The following CACNG5 variants were observed in gnomAD, a reference collection of about 807,000 sequenced individuals.
CACNG5 encodes voltage-dependent calcium channel gamma-5 subunit.
CACNG5 carries 18 observed loss-of-function variants against 24.8 expected under a neutral mutation model. The ratio of observed to expected loss-of-function variants is 0.73; its 90% confidence interval spans 0.50 to 1.08. The LOEUF (loss-of-function observed/expected upper bound fraction) is 1.08, where lower values mean the gene tolerates loss of function less well. Among genes scored for constraint, CACNG5 ranks in the 50% least tolerant of loss-of-function variants. The probability of loss-of-function intolerance (pLI) is 0.00; values close to 1 mark genes in which losing one functional copy is unlikely to be tolerated. For synonymous variants in CACNG5, 157 were observed against 149.1 expected (o/e 1.05, Z -0.39); for missense variants, 349 against 367.9 (o/e 0.95, Z 0.42).
intron 1 of CACNG5, among the ~76,000 whole-genome samples, chr17:66,836,142 G>A (rs1347379840): frequency 2.0e-5 from 3 of 152,152 alleles, no homozygotes; most frequent in East Asian, 1.9e-4. Context: ...TGCCAGGCAC[G>A]CCGGTGGTTA....
chr17:66,835,121 G>A lies in CACNG5; in HGVS notation c.-233G>A, dbSNP rs1023265974. ...GCGGCGGCGGCGGCCACGGTCATTGGCGCCGAGCGGTTCCGGCTGACTGGA... is the reference window on the plus strand; with the variant it reads ...GCGGCGGCGGCGGCCACGGTCATTGACGCCGAGCGGTTCCGGCTGACTGGA... On this transcript the variant is annotated 5_prime_UTR_variant, in exon 1 of 6. Coordinates refer to ENST00000533854, the MANE Select transcript of CACNG5 (RefSeq NM_145811.3). The A allele has an allele frequency of 1.3e-5, 2 of 152,232 alleles. No individual in the cohort carries two copies. The highest frequency in any genetic ancestry group is 4.8e-5 in the African/African-American group (2 of 41,450). The allele number at this position is 152,232 out of a possible 1,614,324, so 9.4% of individuals were successfully genotyped here.
intron 1 of CACNG5, among the ~76,000 whole-genome samples, chr17:66,869,944 G>C (rs894750639): frequency 1.3e-5 from 2 of 151,984 alleles, no homozygotes; most frequent in African/African-American, 2.4e-5. Context: ...TTAGCGGGGC[G>C]TGGTGGCAGG....
At chr17:66,840,738 G>C (rs1379570570) in intron 1 of CACNG5, among the ~76,000 whole-genome samples, 1 of 152,174 alleles carries the variant, frequency 6.6e-6, no homozygotes, top group African/African-American at 2.4e-5. Flanking sequence ...TCCTGTGTGG[G>C]GATGTCTTCC....
chr17:66,868,154 G>C (rs1976954860), intron 1 of CACNG5, among the ~76,000 whole-genome samples: 1 of 152,172 alleles, frequency 6.6e-6, no homozygotes, highest in South Asian at 2.1e-4. Flanking sequence ...TTCTTCTTTT[G>C]TTAAGAGCAG....
In CACNG5 at chr17:66,846,903, A is replaced by G. The variant is rs142452072; in HGVS notation, c.-104+11653A>G. Among the ~76,000 whole-genome samples the G allele has an allele frequency of 2.1e-3, 314 of 152,350 alleles. 1 individual carries two copies. The highest frequency in any genetic ancestry group is 7.3e-3 in the African/African-American group (304 of 41,580). ...CCCACCTGCAAAGTATGAGGGTTCC[A>G]ATTTCTCCACATCCTCGCCAAAACT... On this transcript the variant is annotated intron_variant, in intron 1 of 5. Transcript: ENST00000533854.
rs759371116 is a variant in CACNG5 at position 66,880,663 on chromosome 17, G to A, written c.390G>A (p.Leu130=). 7.4e-6 allele frequency: 12 copies of A among 1,614,116 alleles called. No individual in the cohort carries two copies. The highest frequency in any genetic ancestry group is 5.3e-5 in the African/African-American group (4 of 74,946). The change falls in exon 4 of 6, where the codon CTG becomes CTA. Residue 130 remains leucine (L), a synonymous_variant. Coordinates refer to ENST00000533854, the MANE Select transcript of CACNG5 (RefSeq NM_145811.3). ...ACATCCGTCCCCACCGGACGATACTGGCCTTTGTCTCTGGCATCTTCTTTA... is the reference window on the plus strand; with the variant it reads ...ACATCCGTCCCCACCGGACGATACTAGCCTTTGTCTCTGGCATCTTCTTTA... ...IGHIRPHRTI[L]AFVSGIFFIL... is the part of the protein sequence containing the mutation.
At chr17:66,880,110 G>A (rs182695363) in intron 3 of CACNG5, among the ~76,000 whole-genome samples, 3 of 152,204 alleles carry the variant, frequency 2.0e-5, no homozygotes, top group African/African-American at 7.2e-5. Flanking sequence ...GTAATTATAA[G>A]TTGAAGAAAA....
chr17:66,859,956 T>A (rs1436890764), intron 1 of CACNG5, among the ~76,000 whole-genome samples: 1 of 152,032 alleles, frequency 6.6e-6, no homozygotes, highest in Non-Finnish European at 1.5e-5. Flanking sequence ...TCCACCCGCA[T>A]GATGCAAAGG....
At chr17:66,839,831 C>T (rs1041657498) in intron 1 of CACNG5, among the ~76,000 whole-genome samples, 7 of 152,128 alleles carry the variant, frequency 4.6e-5, no homozygotes, top group Non-Finnish European at 7.3e-5. Context: ...AGGGCTGTTC[C>T]GCGCACGTGC....
chr17:66,862,063 T>G (rs1976868467), intron 1 of CACNG5, among the ~76,000 whole-genome samples: 1 of 152,194 alleles, frequency 6.6e-6, no homozygotes, highest in Admixed American at 6.5e-5. Flanking sequence ...TGGTATGCCC[T>G]ATGGCCGAGT....
chr17:66,870,594 T>C (rs1161118139), intron 1 of CACNG5, among the ~76,000 whole-genome samples: 1 of 152,030 alleles, frequency 6.6e-6, no homozygotes, highest in Non-Finnish European at 1.5e-5. Flanking sequence ...GGTCCCAGGG[T>C]GTCAGGTTTC....
At chr17:66,869,106 T>C (rs1170175366) in intron 1 of CACNG5, among the ~76,000 whole-genome samples, 1 of 152,098 alleles carries the variant, frequency 6.6e-6, no homozygotes, top group Non-Finnish European at 1.5e-5. Flanking sequence ...CTTTTTGAGA[T>C]GGAGTCTCGC....
chr17:66,864,103 G>A (rs982694566), intron 1 of CACNG5, among the ~76,000 whole-genome samples: 1 of 152,112 alleles, frequency 6.6e-6, no homozygotes, highest in African/African-American at 2.4e-5. Flanking sequence ...ATCCTACCTT[G>A]GGGAATCTGT....
intron 1 of CACNG5, among the ~76,000 whole-genome samples, chr17:66,874,002 C>T (rs1280753969): frequency 6.7e-6 from 1 of 150,114 alleles, no homozygotes; most frequent in South Asian, 2.1e-4. Flanking sequence ...AATTATTGCT[C>T]CATGGACCCC....
intron 1 of CACNG5, among the ~76,000 whole-genome samples, chr17:66,865,633 CTTT>C (rs10707080): frequency 2.9e-5 from 4 of 137,494 alleles, no homozygotes; most frequent in African/African-American, 2.7e-5. Context: ...GACAAAATTT[CTTT>C]TTTTTTTTTT....
chr17:66,850,502 T>G (rs1045522028), intron 1 of CACNG5, among the ~76,000 whole-genome samples: 5 of 151,846 alleles, frequency 3.3e-5, no homozygotes, highest in African/African-American at 1.2e-4. Flanking sequence ...TTCCATGAAA[T>G]GCTCTGGTTT....
chr17:66,843,979 G>T (rs900918922), intron 1 of CACNG5, among the ~76,000 whole-genome samples: 1 of 147,220 alleles, frequency 6.8e-6, no homozygotes, highest in African/African-American at 2.5e-5. Context: ...AGCCTGGGCT[G>T]GGGGGGTTGT....
chr17:66,837,646 CTG>C (rs1414159784), intron 1 of CACNG5, among the ~76,000 whole-genome samples: 2 of 152,234 alleles, frequency 1.3e-5, no homozygotes, highest in African/African-American at 4.8e-5. Context: ...AGACTTATGA[CTG>C]TGGTTCATAG....
At chr17:66,839,064 C>G (rs1976526342) in intron 1 of CACNG5, among the ~76,000 whole-genome samples, 1 of 149,038 alleles carries the variant, frequency 6.7e-6, no homozygotes, top group Non-Finnish European at 1.5e-5. Context: ...CGGGTTCAAG[C>G]GAACCTCCTG....
Sources: gnomAD v4.1 joint callset for allele counts (sites outside exome capture counted in the v4.1 genomes callset) on GRCh38, gnomAD v4.1.1 for gene constraint, MANE v1.5 for transcripts, NCBI Gene and HGNC (gene_info 2026-07-23, HGNC 2026-07-21) for gene names.